NFIB: variants seen among roughly 807,000 people sequenced by gnomAD.
NFIB encodes the protein nuclear factor I B, also known as nuclear factor 1 B-type.
In NFIB, 11 loss-of-function variants were observed where a neutral mutation model predicts 61.5. The ratio of observed to expected loss-of-function variants is 0.18; its 90% confidence interval spans 0.11 to 0.30. The LOEUF is 0.30. Ranked by LOEUF, NFIB falls within the 10% of genes least tolerant of loss-of-function variation. The probability of loss-of-function intolerance (pLI) is 1.00; values close to 1 mark genes in which losing one functional copy is unlikely to be tolerated. For synonymous variants in NFIB, 260 were observed against 216.5 expected, an observed-to-expected ratio of 1.20 and a Z score of -1.76; for missense variants, 471 against 608.9, an observed-to-expected ratio of 0.77 and a Z score of 2.38.
rs1273529103 is a variant in NFIB at position 14,146,698 on chromosome 9, T to C, written c.916A>G (p.Arg306Gly). 10 of 1,612,872 alleles carry C rather than the reference T, an allele frequency of 6.2e-6. No homozygotes were observed. The highest frequency in any genetic ancestry group is 2.2e-5 in the East Asian group (1 of 44,840). The change falls in exon 6 of 11, where the codon AGA becomes GGA. Residue 306 changes from arginine to glycine, a missense_variant. By Grantham distance (125) the Arg-to-Gly change is moderately radical. Around this residue, in one of 2 missense-constraint regions of NFIB, gnomAD observed 372 missense variants for 395.6 expected, o/e 0.94. Coordinates refer to ENST00000380953, the MANE Select transcript of NFIB (RefSeq NM_001190737.2). ...PAAGSRTWHE[R>G]DQDMSSPTTM... ...TCTCCTTATTACTCACCTTGATCTC[T>C]TTCGTGCCATGTTCGACTTCCAGCA...
chr9:14,505,666 T>G, the NFIB span, among the ~76,000 whole-genome samples: 1 of 152,076 alleles, frequency 6.6e-6, no homozygotes, highest in Admixed American at 6.6e-5. Flanking sequence ...CCCTAACCCC[T>G]TCTGTAGGAC....
intron 1 of NFIB, among the ~76,000 whole-genome samples, chr9:14,394,938 A>T (rs1040631185): frequency 6.6e-6 from 1 of 152,206 alleles, no homozygotes; most frequent in Non-Finnish European, 1.5e-5. Context: ...AATTGCAATT[A>T]TTATTATTAT....
intron 7 of NFIB, among the ~76,000 whole-genome samples, chr9:14,125,339 G>C (rs1336315269): frequency 6.6e-6 from 1 of 152,026 alleles, no homozygotes; most frequent in Admixed American, 6.5e-5. Context: ...TGTATTTTTA[G>C]TAGAGACGGG....
chr9:14,152,915 A>G (rs1333681420), intron 4 of NFIB, among the ~76,000 whole-genome samples: 1 of 152,030 alleles, frequency 6.6e-6, no homozygotes, highest in African/African-American at 2.4e-5. Flanking sequence ...ATGGGTAAAA[A>G]CATACAGTTA....
chr9:14,159,591 G>A (rs2043906081), intron 3 of NFIB, among the ~76,000 whole-genome samples: 1 of 152,200 alleles, frequency 6.6e-6, no homozygotes. Flanking sequence ...AGGCAGCATA[G>A]CCTTTGTAAC....
At chr9:14,223,131 C>G (rs943197924) in intron 2 of NFIB, among the ~76,000 whole-genome samples, 3 of 152,188 alleles carry the variant, frequency 2.0e-5, no homozygotes, top group African/African-American at 7.2e-5. Context: ...GAGCTGCATT[C>G]AAAGCGATCC....
chr9:14,414,349 T>A, the NFIB span, among the ~76,000 whole-genome samples: 4 of 149,820 alleles, frequency 2.7e-5, no homozygotes, highest in Admixed American at 1.3e-4. Context: ...GCAGGAGAAT[T>A]GCTTGAACCC....
intron 1 of NFIB, among the ~76,000 whole-genome samples, chr9:14,363,733 G>A (rs1341445071): frequency 6.6e-6 from 1 of 151,884 alleles, no homozygotes; most frequent in Non-Finnish European, 1.5e-5. Flanking sequence ...GCTGAGAAAA[G>A]CAGTTAAAAT....
the NFIB span, among the ~76,000 whole-genome samples, chr9:14,481,020 T>C: frequency 6.6e-6 from 1 of 150,964 alleles, no homozygotes; most frequent in Admixed American, 6.6e-5. Flanking sequence ...GTGAACCCCA[T>C]GACTCACTGC....
At position 14,335,531 on chromosome 9, in the gene NFIB, A is replaced by G. The variant is rs79403118; in HGVS notation, c.109-28011T>C. ...TCAAAACTTTTTGCCCATTTAAAAA[A>G]TTGGGTTGTTTGTTTTCTTACTGAA... is the stretch of plus-strand genomic sequence containing the variant. On this transcript the variant is annotated intron_variant, in intron 1 of 8. Transcript: ENST00000380934. 7.3e-4 allele frequency among the ~76,000 whole-genome samples: 111 copies of G among 152,338 alleles called. 2 individuals are homozygous for G. The East Asian group carries it at 0.014, about 20-fold the overall frequency.
chr9:14,167,481 C>A (rs761421868), intron 3 of NFIB, among the ~76,000 whole-genome samples: 14 of 152,088 alleles, frequency 9.2e-5, no homozygotes, highest in Non-Finnish European at 1.6e-4. Flanking sequence ...TGCAATGAGC[C>A]AAGATCACAC....
At chr9:14,325,479 T>C (rs1171298235) in intron 1 of NFIB, among the ~76,000 whole-genome samples, 2 of 152,186 alleles carry the variant, frequency 1.3e-5, no homozygotes, top group African/African-American at 4.8e-5. Flanking sequence ...TCTTTGAGAA[T>C]AATCACTATA....
chr9:14,531,565 C>G, the NFIB span, among the ~76,000 whole-genome samples: 5 of 152,214 alleles, frequency 3.3e-5, no homozygotes, highest in East Asian at 5.8e-4. Flanking sequence ...GTACATTACT[C>G]TGTTTTAAGA....
intron 1 of NFIB, among the ~76,000 whole-genome samples, chr9:14,395,264 G>C (rs1238745587): frequency 6.6e-6 from 1 of 150,498 alleles, no homozygotes; most frequent in Non-Finnish European, 1.5e-5. Flanking sequence ...TTAGAACTCA[G>C]GTTTTTAGTC....
chr9:14,301,111 A>C (rs548473215), intron 2 of NFIB, among the ~76,000 whole-genome samples: 1 of 152,204 alleles, frequency 6.6e-6, no homozygotes, highest in Non-Finnish European at 1.5e-5. Context: ...CTTAGAAAAC[A>C]GTAACTTTAA....
chr9:14,278,326 T>G (rs1474372080), intron 2 of NFIB, among the ~76,000 whole-genome samples: 1 of 152,188 alleles, frequency 6.6e-6, no homozygotes, highest in Non-Finnish European at 1.5e-5. Flanking sequence ...TTGACAGTGG[T>G]CCATTGTTAA....
At chr9:14,216,532 CTCTCTCTCTCCCTCTGTGTGTGTGTG>C (rs1379371545) in intron 2 of NFIB, among the ~76,000 whole-genome samples, 499 of 38,760 alleles carry the variant, frequency 0.013, 5 homozygotes, top group African/African-American at 0.053. Context: ...CTCTCTCTCT[CTCTCTCTCTCCCTCTGTGTGTGTGTG>C]TGTGTGTGTG....
chr9:14,398,857 G>C, exon 1 of NFIB: 5 of 435,868 alleles, frequency 1.1e-5, no homozygotes, highest in Non-Finnish European at 1.6e-5. Flanking sequence ...GTACACTCGA[G>C]GAGTTTACTC....
intron 2 of NFIB, among the ~76,000 whole-genome samples, chr9:14,301,949 AAGTTC>A (rs2059775999): frequency 6.6e-6 from 1 of 152,228 alleles, no homozygotes; most frequent in Non-Finnish European, 1.5e-5. Flanking sequence ...TAGAGTTCAC[AAGTTC>A]AGTCAAGGAC....
Sources: allele counts gnomAD v4.1 joint callset (sites outside exome capture counted in the v4.1 genomes callset), GRCh38; gene constraint gnomAD v4.1.1; regional missense constraint gnomAD v4.1.1; transcripts MANE v1.5; gene names NCBI Gene and HGNC (gene_info 2026-07-23, HGNC 2026-07-21).